RBM20: variants seen among roughly 807,000 people sequenced by gnomAD.
The protein encoded by RBM20 is RNA binding motif protein 20.
A neutral mutation model predicts 110.1 loss-of-function variants in RBM20; 51 were observed. That is an observed-to-expected ratio of 0.46 (90% CI 0.37 to 0.59). RBM20 has a LOEUF of 0.59. Among genes scored for constraint, RBM20 ranks in the 20% least tolerant of loss-of-function variants. The pLI is 0.00. For missense variants in RBM20, 1,512 were observed against 1,574.9 expected (o/e 0.96, Z 0.68); for synonymous variants, 589 against 618.2 (o/e 0.95, Z 0.70).
intron 1 of RBM20, among the ~76,000 whole-genome samples, chr10:110,665,950 C>T (rs1328838647): frequency 7.5e-6 from 1 of 133,534 alleles, no homozygotes; most frequent in Non-Finnish European, 1.6e-5. Context: ...ACTGTCTCTA[C>T]AAATAATACA....
At chr10:110,783,342 C>G (rs1844378166) in intron 2 of RBM20, 24 bp from the exon 3 acceptor site, 1 of 1,543,462 alleles carries the variant, frequency 6.5e-7, no homozygotes, top group African/African-American at 1.4e-5. Context: ...CTACTTTGGT[C>G]ACTTTTCTTT....
At chr10:110,701,476 C>T (rs185872527) in intron 1 of RBM20, among the ~76,000 whole-genome samples, 18 of 152,248 alleles carry the variant, frequency 1.2e-4, no homozygotes, top group South Asian at 4.1e-4. Context: ...GTGTATGAGC[C>T]GGAGATTTCA....
chr10:110,748,106 G>A (rs1430969852), intron 1 of RBM20, among the ~76,000 whole-genome samples: 1 of 152,160 alleles, frequency 6.6e-6, no homozygotes, highest in Non-Finnish European at 1.5e-5. Flanking sequence ...GGAGAAAGTA[G>A]TGTTAACTTT....
intron 7 of RBM20, among the ~76,000 whole-genome samples, chr10:110,806,985 A>G (rs1450533287): frequency 6.6e-6 from 1 of 152,218 alleles, no homozygotes; most frequent in African/African-American, 2.4e-5. Flanking sequence ...GGCAGCTGGC[A>G]GCTGGTCCAG....
intron 1 of RBM20, among the ~76,000 whole-genome samples, chr10:110,676,304 A>G (rs140179046): frequency 7.5e-4 from 114 of 152,344 alleles, no homozygotes; most frequent in African/African-American, 2.6e-3. Flanking sequence ...GACGGCGCTG[A>G]CAGATAAGTG....
intron 1 of RBM20, among the ~76,000 whole-genome samples, chr10:110,717,496 G>A (rs1363276666): frequency 6.6e-6 from 1 of 152,182 alleles, no homozygotes; most frequent in African/African-American, 2.4e-5. Flanking sequence ...GTTCTGCAGA[G>A]CTTACTGTAG....
chr10:110,810,361 G>A, intron 7 of RBM20, 22 bp from the exon 8 acceptor site: 1 of 1,540,670 alleles, frequency 6.5e-7, no homozygotes, highest in Non-Finnish European at 8.8e-7. Flanking sequence ...TGATCTGATG[G>A]TGATCTCTCT....
At chr10:110,754,940 G>A (rs1843903245) in intron 1 of RBM20, among the ~76,000 whole-genome samples, 1 of 152,138 alleles carries the variant, frequency 6.6e-6, no homozygotes, top group South Asian at 2.1e-4. Flanking sequence ...AATTATGTGT[G>A]GAGATCCCCT....
chr10:110,811,099 G>A (rs902017432), intron 8 of RBM20, among the ~76,000 whole-genome samples: 1 of 152,232 alleles, frequency 6.6e-6, no homozygotes, highest in East Asian at 1.9e-4. Context: ...AGAGAACCAA[G>A]GTAGAAAACT....
Position 110,739,027 on chromosome 10 carries a change from A to G in RBM20, c.192-41774A>G, listed in dbSNP as rs191587912. ...CACAGCTGCTCACAATCCTTAAGGG[A>G]GTTTATCTGTAACTGAGAGAGTATG... On this transcript the variant is annotated intron_variant, in intron 1 of 13. Transcript: ENST00000369519. This position sits in a 1 kb window ranked among gnomAD's most constrained non-coding sequence, Gnocchi z 4.1. 6.6e-4 allele frequency among the ~76,000 whole-genome samples: 100 copies of G among 152,150 alleles called. No individual in the cohort carries two copies. The highest frequency in any genetic ancestry group is 2.3e-3 in the African/African-American group (97 of 41,480).
rs1220454133 is a variant in RBM20 at position 110,831,181 on chromosome 10, A to T, written c.3572A>T (p.Gln1191Leu). Reference protein sequence around the residue: ...CRSAVHYRNLQKYLSQLAEEG... With the variant: ...CRSAVHYRNLLKYLSQLAEEG... ...AGCGCTGTCCACTACAGGAACTTAC[A>T]GGTAAAAATCCACTCTCCTTGCCCA... is the stretch of plus-strand genomic sequence containing the variant. Residue 1191 changes from glutamine (Q) to leucine (L), a missense_variant and splice_region_variant, in exon 13 of 14, where the codon CAG becomes CTG. Physicochemically the swap from Gln to Leu is moderately radical, Grantham distance 113. This residue lies in a region of RBM20 where 358 missense variants were observed against 384.2 expected (regional missense o/e 0.93). Transcript: ENST00000369519. 1 of 1,550,922 alleles carries T rather than the reference A, an allele frequency of 6.4e-7. No individual in the cohort carries two copies. Among genetic ancestry groups the T allele is most frequent in the East Asian group, 2.4e-5 (1 of 40,894 alleles).
chr10:110,811,782 G>A (rs1443288228), intron 8 of RBM20, among the ~76,000 whole-genome samples: 1 of 152,148 alleles, frequency 6.6e-6, no homozygotes, highest in African/African-American at 2.4e-5. Context: ...CTAAGAGGTT[G>A]GCTTCATTCT....
chr10:110,703,800 C>T (rs1490328397), intron 1 of RBM20, among the ~76,000 whole-genome samples: 1 of 152,156 alleles, frequency 6.6e-6, no homozygotes, highest in African/African-American at 2.4e-5. Flanking sequence ...AAAATTTTGT[C>T]GTTTTTAAAA....
At chr10:110,736,699 A>C (rs925041676) in intron 1 of RBM20, among the ~76,000 whole-genome samples, 9 of 152,062 alleles carry the variant, frequency 5.9e-5, no homozygotes, top group Non-Finnish European at 1.3e-4. Flanking sequence ...ACCACCACCT[A>C]ATGGAGGAAT....
At chr10:110,747,414 G>A (rs1843796136) in intron 1 of RBM20, among the ~76,000 whole-genome samples, 1 of 152,068 alleles carries the variant, frequency 6.6e-6, no homozygotes, top group Non-Finnish European at 1.5e-5. Context: ...GTGATCAGTG[G>A]TGCAGAGACC....
Position 110,820,137 on chromosome 10 carries a change from A to C in RBM20, c.2616A>C (p.Glu872Asp), listed in dbSNP as rs1356159353. 1.3e-6 allele frequency: 2 copies of C among 1,551,540 alleles called. No individual in the cohort carries two copies. Among genetic ancestry groups the C allele is most frequent in the Non-Finnish European group, 1.7e-6 (2 of 1,146,918 alleles). The change falls in exon 10 of 14, where the codon GAA becomes GAC. Residue 872 changes from glutamate to aspartate, a missense_variant. By Grantham distance (45) the Glu-to-Asp change is conservative. Coordinates refer to ENST00000369519, the MANE Select transcript of RBM20 (RefSeq NM_001134363.3). ...AATCAGTGGGCAGACAGGAGAAAGA[A>C]GCAGAGTTCTCTGATCCGGAAAACA... The part of the protein sequence containing the change: ...SPQSVGRQEK[E>D]AEFSDPENTR...
intron 1 of RBM20, among the ~76,000 whole-genome samples, chr10:110,669,123 G>T (rs2134837414): frequency 6.6e-6 from 1 of 152,062 alleles, no homozygotes; most frequent in African/African-American, 2.4e-5. Flanking sequence ...CGTTTTTTCT[G>T]GAATAGCAGC....
intron 1 of RBM20, among the ~76,000 whole-genome samples, chr10:110,647,241 C>T (rs1398784505): frequency 6.6e-6 from 1 of 152,162 alleles, no homozygotes; most frequent in Non-Finnish European, 1.5e-5. Flanking sequence ...CAAAGATAAA[C>T]ACATGAAGCG....
rs550138775 is a variant in RBM20, at chr10:110,737,177, C to CAAAAAA, written c.192-43609_192-43604dup. ...GGGCAAGAAGAGTGAAACTCTGCCT[C>CAAAAAA]AAAAAAAAAAAAAAAAAAAACACCC... On this transcript the variant is annotated intron_variant, in intron 1 of 13. Coordinates refer to ENST00000369519, the MANE Select transcript of RBM20 (RefSeq NM_001134363.3). Among the ~76,000 whole-genome samples the CAAAAAA allele has an allele frequency of 2.3e-3, 60 of 26,610 alleles. 5 individuals are homozygous for CAAAAAA. The highest frequency in any genetic ancestry group is 6.4e-3 in the African/African-American group (36 of 5,584). The allele number at this position is 26,610 out of a possible 152,430, so 17.5% of individuals were successfully genotyped here.
Sources: gnomAD v4.1 joint callset for allele counts (sites outside exome capture counted in the v4.1 genomes callset) on GRCh38, gnomAD v4.1.1 for gene constraint, gnomAD v4.1.1 regional missense constraint, Gnocchi (gnomAD v3.1) non-coding constraint, MANE v1.5 for transcripts, NCBI Gene and HGNC (gene_info 2026-07-23, HGNC 2026-07-21) for gene names.